DIABLO: variants seen among roughly 807,000 people sequenced by gnomAD.
The protein encoded by DIABLO is diablo homolog, mitochondrial.
In DIABLO, 32 loss-of-function variants were observed where a neutral mutation model predicts 31.7. That is an observed-to-expected ratio of 1.01 (90% CI 0.76 to 1.35). DIABLO has a LOEUF of 1.35. Among genes scored for constraint, DIABLO ranks in the 40% most tolerant of loss-of-function variants. The pLI is 0.00. For synonymous variants in DIABLO, 132 were observed against 103.2 expected, an observed-to-expected ratio of 1.28 and a Z score of -1.69; for missense variants, 316 against 286.4, an observed-to-expected ratio of 1.10 and a Z score of -0.75.
intron 1 of DIABLO, chr12:122,224,931 G>A: frequency 3.1e-6 from 3 of 957,244 alleles, no homozygotes; most frequent in Middle Eastern, 3.7e-4. Context: ...CAACATGGCT[G>A]GCAACATGAC....
intron 2 of DIABLO, among the ~76,000 whole-genome samples, chr12:122,223,433 T>TA (rs34214105): frequency 0.24 from 34,210 of 139,968 alleles, 4,733 homozygotes; most frequent in East Asian, 0.66. Flanking sequence ...ACTCTGTCTT[T>TA]AAAAAAAAAA....
intron 2 of DIABLO, 121 bp from the exon 3 acceptor site, chr12:122,218,518 T>C: frequency 6.9e-6 from 9 of 1,296,784 alleles, no homozygotes; most frequent in South Asian, 1.2e-5. Context: ...AACTGCACTA[T>C]ATTTCTTTGG....
chr12:122,226,419 C>A (rs1291815956), upstream of DIABLO: 36 of 680,040 alleles, frequency 5.3e-5, no homozygotes, highest in Admixed American at 5.5e-4. Flanking sequence ...CCGGGCGCGG[C>A]GACGGCGCTG....
chr12:122,215,595 A>C (rs1278590659), intron 5 of DIABLO, among the ~76,000 whole-genome samples: 1 of 151,610 alleles, frequency 6.6e-6, no homozygotes, highest in Non-Finnish European at 1.5e-5. Context: ...CAGGAACAAA[A>C]CTCCATTAAA....
At chr12:122,216,467 C>G (rs1490853969) in intron 5 of DIABLO, 21 bp downstream of exon 5, 1 of 1,598,140 alleles carries the variant, frequency 6.3e-7, no homozygotes, top group Admixed American at 1.7e-5. Flanking sequence ...AAAAAAAACC[C>G]AACACAAAAC....
chr12:122,222,455 T>G (rs1232002224), intron 2 of DIABLO: 1 of 151,382 alleles, frequency 6.6e-6, no homozygotes, highest in Non-Finnish European at 1.5e-5. Context: ...ACAAAAAAAT[T>G]AGCAGGGTGT....
chr12:122,208,624 G>C, intron 5 of DIABLO, 47 bp from the exon 6 acceptor site: 1 of 1,590,776 alleles, frequency 6.3e-7, no homozygotes, highest in Non-Finnish European at 8.5e-7. Context: ...GCAGGGCGCG[G>C]AAGGCTCATG....
intron 2 of DIABLO, chr12:122,221,758 C>A (rs1436624719): frequency 6.6e-6 from 1 of 152,060 alleles, no homozygotes; most frequent in Non-Finnish European, 1.5e-5. Flanking sequence ...CTAGAGACCC[C>A]AGTCATGTGG....
At chr12:122,214,031 G>A (rs935703884) in intron 5 of DIABLO, among the ~76,000 whole-genome samples, 1 of 152,124 alleles carries the variant, frequency 6.6e-6, no homozygotes, top group African/African-American at 2.4e-5. Context: ...GTTGCAGTGA[G>A]CTGAGTTCAC....
chr12:122,219,955 T>A (rs1434010400), intron 2 of DIABLO, among the ~76,000 whole-genome samples: 4 of 151,284 alleles, frequency 2.6e-5, no homozygotes, highest in Admixed American at 1.3e-4. Flanking sequence ...TTTTATTTTT[T>A]TTTTTTGAGA....
chr12:122,209,809 T>C, intron 5 of DIABLO: 1 of 703,604 alleles, frequency 1.4e-6, no homozygotes, highest in Non-Finnish European at 2.6e-6. Flanking sequence ...TGTTGACAGG[T>C]AGTGGAGAAT....
upstream of DIABLO, chr12:122,226,141 G>C (rs1280509035): frequency 2.1e-6 from 3 of 1,395,426 alleles, no homozygotes; most frequent in Non-Finnish European, 2.9e-6. Flanking sequence ...GGAAGCAGTC[G>C]GGATTGGGCA....
chr12:122,213,767 G>A (rs576389939), intron 5 of DIABLO, among the ~76,000 whole-genome samples: 1 of 151,022 alleles, frequency 6.6e-6, no homozygotes, highest in Non-Finnish European at 1.5e-5. Context: ...GATCCCTCAG[G>A]ATCACTACTT....
upstream of DIABLO, chr12:122,226,240 C>T: frequency 1.3e-6 from 1 of 749,858 alleles, no homozygotes; most frequent in South Asian, 1.5e-5. Flanking sequence ...CGGGGCGGGG[C>T]ATATGCAGGG....
In DIABLO at chr12:122,216,379, T is replaced by TA. The variant is rs1954211266; in HGVS notation, c.523+108dup. The TA allele has an allele frequency of 7.6e-6, 7 of 923,032 alleles. No individual in the cohort carries two copies. The East Asian group carries it at 1.5e-4, about 20-fold the overall frequency. 57.2% of individuals were successfully genotyped at this position (923,032 alleles called of 1,614,324 possible). A position where few individuals can be genotyped will look rare whatever the true frequency, so the allele number is the denominator to read the frequency against. ...AAAATTTCTCAAAGTGAGAGCCACT[T>TA]AGACCATTTACTATAAAGCCCTCAT... On this transcript the variant is annotated intron_variant, in intron 5 of 5. Coordinates refer to ENST00000464942, the MANE Select transcript of DIABLO (RefSeq NM_001371333.1).
At chr12:122,225,796 G>A in intron 1 of DIABLO, 169 bp downstream of exon 1, 1 of 1,462,008 alleles carries the variant, frequency 6.8e-7, no homozygotes, top group South Asian at 1.4e-5. Context: ...CCCAGGGGGC[G>A]GAGGCGGGGC....
chr12:122,222,593 T>TAAAAAAAAAAAAAAA (rs1566028336), intron 2 of DIABLO: 1 of 89,750 alleles, frequency 1.1e-5, no homozygotes, highest in African/African-American at 3.2e-5. Flanking sequence ...AAAAAAAAAT[T>TAAAAAAAAAAAAAAA]TTTGGAATCT....
intron 5 of DIABLO, among the ~76,000 whole-genome samples, chr12:122,213,557 G>C (rs976294054): frequency 6.6e-6 from 1 of 150,436 alleles, no homozygotes; most frequent in Non-Finnish European, 1.5e-5. Context: ...CTTTCTATGA[G>C]TTCTAGGAAA....
Position 122,216,849 on chromosome 12 carries a change from A to G in DIABLO, c.336T>C (p.Ser112=), listed in dbSNP as rs779700038. 5 of 1,613,938 alleles carry G rather than the reference A, an allele frequency of 3.1e-6. No individual in the cohort carries two copies. Among genetic ancestry groups the G allele is most frequent in the Non-Finnish European group, 3.4e-6 (4 of 1,179,966 alleles). ...GTAAACTTGTATATTGTCGGTAAAG[A>G]GAAGTTAAGGTATAAACAGCCTACA... ...EYTKAVYTLT[S]LYRQYTSLLG... The change falls in exon 4 of 6, where the codon TCT becomes TCC. Residue 112 remains serine, a synonymous_variant. Coordinates refer to ENST00000464942, the MANE Select transcript of DIABLO (RefSeq NM_001371333.1).
Sources: gnomAD v4.1 joint callset for allele counts (sites outside exome capture counted in the v4.1 genomes callset) on GRCh38, gnomAD v4.1.1 for gene constraint, MANE v1.5 for transcripts, NCBI Gene and HGNC (gene_info 2026-07-23, HGNC 2026-07-21) for gene names.